Variants in SULF1 observed in about 807,000 individuals in gnomAD.
SULF1 encodes extracellular sulfatase Sulf-1.
Under a neutral mutation model 110.5 loss-of-function variants are expected in SULF1, and 46 were observed. The observed-to-expected ratio is 0.42, with a 90% CI of 0.33 to 0.53. SULF1 has a LOEUF of 0.53. SULF1 is among the 20% of genes least tolerant of loss of function. The probability of loss-of-function intolerance (pLI) is 0.12; values close to 1 mark genes in which losing one functional copy is unlikely to be tolerated. For missense variants in SULF1, 941 were observed against 1,094.2 expected, an observed-to-expected ratio of 0.86 and a Z score of 1.98; for synonymous variants, 371 against 387.1, an observed-to-expected ratio of 0.96 and a Z score of 0.49.
chr8:69,513,205 G>A (rs1383614571), intron 3 of SULF1, among the ~76,000 whole-genome samples: 3 of 152,192 alleles, frequency 2.0e-5, no homozygotes, highest in Non-Finnish European at 4.4e-5. Flanking sequence ...CTGCCAAAAA[G>A]AGGCATCCAT....
At chr8:69,542,142 C>G (rs527633235) in intron 3 of SULF1, among the ~76,000 whole-genome samples, 1 of 152,286 alleles carries the variant, frequency 6.6e-6, no homozygotes, top group South Asian at 2.1e-4. Context: ...CAGTTATATT[C>G]CATTCTTCTT....
intron 3 of SULF1, among the ~76,000 whole-genome samples, chr8:69,521,178 T>C (rs1383031218): frequency 1.3e-5 from 2 of 152,180 alleles, no homozygotes; most frequent in Admixed American, 6.5e-5. Flanking sequence ...CATTTTTTCC[T>C]TTATTTTTTC....
chr8:69,499,105 C>T lies in SULF1; in HGVS notation c.-228-2769C>T, dbSNP rs182646647. 1.4e-3 allele frequency among the ~76,000 whole-genome samples: 207 copies of T among 152,210 alleles called. 2 individuals carry two copies. The highest frequency in any genetic ancestry group is 2.5e-3 in the Non-Finnish European group (168 of 68,004). On this transcript the variant is annotated intron_variant, in intron 2 of 22. Transcript: ENST00000402687. Reference sequence around the variant, plus strand: ...AACTCCTGACTTCAAGCAATCTGCCCGCCTCGGCCTCCCAAACTGCTGGGA... The same window carrying T: ...AACTCCTGACTTCAAGCAATCTGCCTGCCTCGGCCTCCCAAACTGCTGGGA...
chr8:69,527,298 A>G (rs530062992), intron 3 of SULF1, among the ~76,000 whole-genome samples: 1 of 152,284 alleles, frequency 6.6e-6, no homozygotes, highest in East Asian at 1.9e-4. Flanking sequence ...ATAACAGGAA[A>G]AAAATAACAC....
chr8:69,608,262 GAT>G (rs1808381445), intron 13 of SULF1, among the ~76,000 whole-genome samples: 1 of 152,222 alleles, frequency 6.6e-6, no homozygotes, highest in African/African-American at 2.4e-5. Flanking sequence ...AGGATTAAGT[GAT>G]ATTATACATG....
rs565992830 is a variant in SULF1 at position 69,471,995 on chromosome 8, A to AAGAG, written c.-391+5047_-391+5048insAGAG. On this transcript the variant is annotated intron_variant, in intron 1 of 22. Coordinates refer to the SULF1 transcript ENST00000260128. ...AAGGAGGGAGAGAGCAAGGGAGAGA[A>AAGAG]AGTGAGAGAGAGAGAGAGAGAGAAG... Among the ~76,000 whole-genome samples the AAGAG allele has an allele frequency of 2.4e-5, 3 of 125,076 alleles. No individual in the cohort carries two copies. The South Asian group carries it at 7.1e-4, about 29-fold the overall frequency. 82.1% of individuals were successfully genotyped at this position (125,076 alleles called of 152,430 possible).
At position 69,627,191 on chromosome 8, in the gene SULF1, G is replaced by C. The variant is rs1158092929; in HGVS notation, c.1851-19G>C. ...TTAGAATATAAACCTATTTCACATG[G>C]TTTTGGTTTGTTTTGCAGGTGTTTT... On this transcript the variant is annotated intron_variant, in intron 15 of 22. Coordinates refer to ENST00000402687, the MANE Select transcript of SULF1 (RefSeq NM_001128205.2). 1.9e-6 allele frequency: 3 copies of C among 1,578,600 alleles called. No homozygotes were observed. The African/African-American group carries it at 4.0e-5, about 21-fold the overall frequency.
chr8:69,468,393 T>C (rs572511293), intron 1 of SULF1, among the ~76,000 whole-genome samples: 2 of 152,366 alleles, frequency 1.3e-5, no homozygotes, highest in East Asian at 3.9e-4. Flanking sequence ...ACCATGCAGA[T>C]AATTTTTTTA....
rs1046488346 is a variant in SULF1 at position 69,641,094 on chromosome 8, A to T, written c.2585+253A>T. 5 of 371,826 alleles carry T rather than the reference A, an allele frequency of 1.3e-5. No individual in the cohort carries two copies. The Admixed American group carries it at 1.8e-4, about 14-fold the overall frequency. 23.0% of individuals were successfully genotyped at this position (371,826 alleles called of 1,614,324 possible). ...CCCATGCTTGTTTGCTTGTTGGATG[A>T]TGCTTTTAAGCATGGAATGATGTGA... On this transcript the variant is annotated intron_variant, in intron 22 of 22. Coordinates refer to ENST00000402687, the MANE Select transcript of SULF1 (RefSeq NM_001128205.2).
At chr8:69,472,777 C>T (rs528624212) in intron 1 of SULF1, among the ~76,000 whole-genome samples, 125 of 152,306 alleles carry the variant, frequency 8.2e-4, no homozygotes, top group African/African-American at 2.9e-3. Flanking sequence ...GTCTTCGTTG[C>T]CCTCTAAATA....
chr8:69,581,289 A>G (rs2150754649), intron 6 of SULF1, among the ~76,000 whole-genome samples: 2 of 152,360 alleles, frequency 1.3e-5, no homozygotes, highest in African/African-American at 4.8e-5. Flanking sequence ...GATACATTAA[A>G]TAAGATTTGA....
At chr8:69,651,653 A>G (rs1270573393) in intron 22 of SULF1, among the ~76,000 whole-genome samples, 1 of 152,130 alleles carries the variant, frequency 6.6e-6, no homozygotes, top group Non-Finnish European at 1.5e-5. Context: ...TTAAATTATT[A>G]TTGTGTATTA....
In SULF1 at chr8:69,617,538, G is replaced by A. The variant is rs1327521825; in HGVS notation, c.1378-3497G>A. On this transcript the variant is annotated intron_variant, in intron 13 of 22. Coordinates refer to ENST00000402687, the MANE Select transcript of SULF1 (RefSeq NM_001128205.2). ...CCTGCCTTGGCCTCCTAAAGTACTGGGATTGTAGGTGTGATCCACCACACC... is the reference window on the plus strand; with the variant it reads ...CCTGCCTTGGCCTCCTAAAGTACTGAGATTGTAGGTGTGATCCACCACACC... Among the ~76,000 whole-genome samples the A allele has an allele frequency of 4.0e-5, 6 of 149,424 alleles. No homozygotes were observed. The East Asian group carries it at 1.2e-3, about 30-fold the overall frequency.
intron 13 of SULF1, among the ~76,000 whole-genome samples, chr8:69,609,059 G>A (rs538020661): frequency 2.6e-5 from 4 of 152,102 alleles, no homozygotes; most frequent in Non-Finnish European, 4.4e-5. Context: ...ACCTGGGGCC[G>A]AGCACGGCAG....
intron 8 of SULF1, among the ~76,000 whole-genome samples, chr8:69,592,707 T>C (rs569348110): frequency 8.5e-4 from 130 of 152,372 alleles, no homozygotes; most frequent in African/African-American, 3.0e-3. Context: ...ACTTCATAAG[T>C]GTCAATTCTT....
intron 3 of SULF1, among the ~76,000 whole-genome samples, chr8:69,558,136 G>A (rs1815238907): frequency 6.6e-6 from 1 of 152,146 alleles, no homozygotes; most frequent in Non-Finnish European, 1.5e-5. Context: ...CTAAAGAAAA[G>A]AAGTAATCTC....
chr8:69,638,595 T>G lies in SULF1; in HGVS notation c.2378T>G (p.Phe793Cys). ...NETHNFLFCE[F>C]ATGFLEYFDM... ...ACGCATAATTTTCTTTTCTGTGAGT[T>G]TGCTACTGGCTTTTTGGAGTATTTT... The change falls in exon 20 of 23, where the codon TTT becomes TGT. Residue 793 changes from phenylalanine (F) to cysteine (C), a missense_variant. By Grantham distance (205) the Phe-to-Cys change is radical. Around this residue, in one of 3 missense-constraint regions of SULF1, gnomAD observed 112 missense variants for 133.5 expected, o/e 0.84. Transcript: ENST00000402687. The G allele has an allele frequency of 1.2e-6, 2 of 1,614,140 alleles. No individual in the cohort carries two copies. Among genetic ancestry groups the G allele is most frequent in the Non-Finnish European group, 1.7e-6 (2 of 1,180,022 alleles).
intron 3 of SULF1, among the ~76,000 whole-genome samples, chr8:69,505,726 A>G (rs1365180738): frequency 6.6e-6 from 1 of 152,136 alleles, no homozygotes; most frequent in African/African-American, 2.4e-5. Flanking sequence ...TTGCTGCAGA[A>G]TATAGAGACC....
chr8:69,526,205 C>G (rs749189219), intron 3 of SULF1, among the ~76,000 whole-genome samples: 1 of 152,090 alleles, frequency 6.6e-6, no homozygotes, highest in Non-Finnish European at 1.5e-5. Context: ...TGACCAGCAT[C>G]TTGAGTTCAA....
Sources: gnomAD v4.1 joint callset for allele counts (sites outside exome capture counted in the v4.1 genomes callset) on GRCh38, gnomAD v4.1.1 for gene constraint, gnomAD v4.1.1 regional missense constraint, MANE v1.5 for transcripts, NCBI Gene and HGNC (gene_info 2026-07-23, HGNC 2026-07-21) for gene names.